The following PTPN11 variants were observed in gnomAD, a reference collection of about 807,000 sequenced individuals.
PTPN11 encodes the protein tyrosine-protein phosphatase non-receptor type 11.
PTPN11 carries 6 observed loss-of-function variants against 78.8 expected under a neutral mutation model. The observed-to-expected ratio is 0.08, with a 90% CI of 0.04 to 0.15. The LOEUF is 0.15. Among genes scored for constraint, PTPN11 ranks in the 10% least tolerant of loss-of-function variants. The pLI, the probability that PTPN11 is intolerant of heterozygous loss-of-function variation, is 1.00. For synonymous variants in PTPN11, 221 were observed against 263.5 expected, an observed-to-expected ratio of 0.84 and a Z score of 1.56; for missense variants, 386 against 744.8, an observed-to-expected ratio of 0.52 and a Z score of 5.61.
At chr12:112,430,553 A>G (rs576808434) in intron 1 of PTPN11, among the ~76,000 whole-genome samples, 3 of 151,866 alleles carry the variant, frequency 2.0e-5, no homozygotes, top group Admixed American at 1.3e-4. Flanking sequence ...CTCAGCCTCT[A>G]GAGTAGATGG....
intron 6 of PTPN11, among the ~76,000 whole-genome samples, chr12:112,458,505 CG>C (rs1189462547): frequency 6.6e-6 from 1 of 152,168 alleles, no homozygotes; most frequent in Non-Finnish European, 1.5e-5. Flanking sequence ...CCACTGTGCC[CG>C]GCCCATACCA....
intron 1 of PTPN11, among the ~76,000 whole-genome samples, chr12:112,438,643 G>A (rs996665527): frequency 8.6e-5 from 13 of 151,948 alleles, no homozygotes; most frequent in Non-Finnish European, 1.3e-4. Flanking sequence ...CACCATACCC[G>A]GCTAATTTTT....
At chr12:112,502,279 C>A in intron 14 of PTPN11, 23 bp downstream of exon 14, 2 of 1,573,954 alleles carry the variant, frequency 1.3e-6, no homozygotes, top group Non-Finnish European at 1.7e-6. Flanking sequence ...GAAGGAAATT[C>A]TTTTTACCTG....
chr12:112,507,315 G>A lies in PTPN11; in HGVS notation c.*1523G>A, dbSNP rs541018423. The A allele has an allele frequency of 7.9e-5, 12 of 152,726 alleles. No individual in the cohort carries two copies. Among genetic ancestry groups the A allele is most frequent in the African/African-American group, 2.4e-4 (10 of 41,572 alleles). 9.5% of individuals were successfully genotyped at this position (152,726 alleles called of 1,614,324 possible). ...GAGCCTATTTTTGGAACCAGCACTT[G>A]GGGAAACTGATCTTGTGAGGATGGA... On this transcript the variant is annotated 3_prime_UTR_variant, in exon 16 of 16. Coordinates refer to ENST00000351677, the MANE Select transcript of PTPN11 (RefSeq NM_002834.5).
At chr12:112,471,757 C>CT (rs753140390) in intron 6 of PTPN11, among the ~76,000 whole-genome samples, 195 of 145,018 alleles carry the variant, frequency 1.3e-3, no homozygotes, top group African/African-American at 3.1e-3. Flanking sequence ...TCTTCTCCCA[C>CT]TTTTTTTTTT....
rs1391962729 is a variant in PTPN11 at position 112,504,148 on chromosome 12, T to G, written c.1713-547T>G. 6.6e-6 allele frequency among the ~76,000 whole-genome samples: 1 copy of G among 152,210 alleles called. No homozygotes were observed. The highest frequency in any genetic ancestry group is 1.9e-4 in the East Asian group (1 of 5,196). ...TCCTACAGGCCTCCTTAAAACAACC[T>G]GCTTTCTGCCAGACCCCAGGGAGCA... On this transcript the variant is annotated intron_variant, in intron 14 of 15. Coordinates refer to ENST00000351677, the MANE Select transcript of PTPN11 (RefSeq NM_002834.5). This position sits in a 1 kb window ranked among gnomAD's most constrained non-coding sequence, Gnocchi z 4.7.
chr12:112,477,097 A>G (rs570169847), intron 7 of PTPN11, among the ~76,000 whole-genome samples: 2 of 151,918 alleles, frequency 1.3e-5, no homozygotes, highest in Non-Finnish European at 2.9e-5. Flanking sequence ...GCTCACTGCA[A>G]TGTCCGCCTC....
intron 7 of PTPN11, among the ~76,000 whole-genome samples, chr12:112,475,497 CT>C (rs1279056562): frequency 2.6e-5 from 4 of 152,170 alleles, no homozygotes; most frequent in South Asian, 4.1e-4. Flanking sequence ...TCAAGCAATC[CT>C]CCTGCTTTGG....
At chr12:112,491,317 AT>A (rs1209948642) in intron 13 of PTPN11, among the ~76,000 whole-genome samples, 1 of 151,484 alleles carries the variant, frequency 6.6e-6, no homozygotes, top group Non-Finnish European at 1.5e-5. Context: ...AGTCTGTGGA[AT>A]TTTCTTTACC....
chr12:112,435,647 G>GT (rs552552504), intron 1 of PTPN11, among the ~76,000 whole-genome samples: 34,001 of 135,658 alleles, frequency 0.25, 4,782 homozygotes, highest in African/African-American at 0.4. Flanking sequence ...TAGGATTAAG[G>GT]TTTTTTTTTT....
At chr12:112,501,322 T>A (rs2135928056) in intron 13 of PTPN11, among the ~76,000 whole-genome samples, 1 of 152,230 alleles carries the variant, frequency 6.6e-6, no homozygotes, top group South Asian at 2.1e-4. Flanking sequence ...GAACCAAAAA[T>A]AAAGTTTTAA....
Position 112,509,349 on chromosome 12 carries a change from T to C in PTPN11, c.*3557T>C, listed in dbSNP as rs994047230. ...GTGTGTTGTATAACTTTGCTGTATATCAAACTAATTTTGACAAGTTTTCAT... is the reference window on the plus strand; with the variant it reads ...GTGTGTTGTATAACTTTGCTGTATACCAAACTAATTTTGACAAGTTTTCAT... On this transcript the variant is annotated 3_prime_UTR_variant, in exon 16 of 16. Transcript: ENST00000351677. The C allele has an allele frequency of 3.3e-4, 51 of 152,584 alleles. No homozygotes were observed. Among genetic ancestry groups the C allele is most frequent in the African/African-American group, 1.2e-3 (48 of 41,468 alleles). 9.5% of individuals were successfully genotyped at this position (152,584 alleles called of 1,614,324 possible). A position where few individuals can be genotyped will look rare whatever the true frequency, so the allele number is the denominator to read the frequency against.
rs2038620590 is a variant in PTPN11, at chr12:112,482,999, C to A, written c.1224+794C>A. Among the ~76,000 whole-genome samples the A allele has an allele frequency of 6.6e-6, 1 of 152,106 alleles. No individual in the cohort carries two copies. The highest frequency in any genetic ancestry group is 1.5e-5 in the Non-Finnish European group (1 of 68,044). ...TCAATGACCTCTTGGTTCCTGGCAC[C>A]ATGCTGCTTGCTGGAGATAGAGCTG... On this transcript the variant is annotated intron_variant, in intron 10 of 15. Transcript: ENST00000351677. The surrounding 1 kb of genome is among the most constrained non-coding windows in gnomAD (Gnocchi z 4.4).
At chr12:112,419,634 C>A (rs1273857809) in intron 1 of PTPN11, among the ~76,000 whole-genome samples, 1 of 152,192 alleles carries the variant, frequency 6.6e-6, no homozygotes, top group Non-Finnish European at 1.5e-5. Flanking sequence ...CTTTTATATG[C>A]CTCTTTGTGT....
At chr12:112,436,054 A>T (rs1470242405) in intron 1 of PTPN11, among the ~76,000 whole-genome samples, 1 of 152,242 alleles carries the variant, frequency 6.6e-6, no homozygotes, top group East Asian at 1.9e-4. Context: ...AGAAAAAAAA[A>T]TTCAGTTGTG....
Position 112,482,272 on chromosome 12 carries a change from G to A in PTPN11, c.1224+67G>A. On this transcript the variant is annotated intron_variant, in intron 10 of 15. Coordinates refer to ENST00000351677, the MANE Select transcript of PTPN11 (RefSeq NM_002834.5). This position sits in a 1 kb window ranked among gnomAD's most constrained non-coding sequence, Gnocchi z 4.4. ...ATGGTGTGTAGGAATTCAGGGTCTT[G>A]CCGTTACTCATGTTTGCATACATGC... 1.3e-5 allele frequency: 20 copies of A among 1,554,092 alleles called. No individual in the cohort carries two copies. The highest frequency in any genetic ancestry group is 1.8e-5 in the Non-Finnish European group (20 of 1,128,554).
At position 112,502,227 on chromosome 12, in the gene PTPN11, G is replaced by A. The variant is rs397516798; in HGVS notation, c.1683G>A (p.Pro561=). ...DQTSGDQSPL[P]PCTPTPPCAE... The stretch of plus-strand genomic sequence containing the variant: ...CGAGTGGAGATCAGAGCCCTCTCCC[G>A]CCTTGTACTCCAACGCCACCCTGTG... Residue 561 remains proline (P), a synonymous_variant, in exon 14 of 16, where the codon CCG becomes CCA. Coordinates refer to ENST00000351677, the MANE Select transcript of PTPN11 (RefSeq NM_002834.5). 1.5e-5 allele frequency: 25 copies of A among 1,613,482 alleles called. No homozygotes were observed. Among genetic ancestry groups the A allele is most frequent in the African/African-American group, 1.3e-4 (10 of 74,876 alleles).
At chr12:112,481,162 T>G (rs930677792) in intron 9 of PTPN11, among the ~76,000 whole-genome samples, 1 of 152,172 alleles carries the variant, frequency 6.6e-6, no homozygotes, top group Admixed American at 6.5e-5. Flanking sequence ...GATAGAGTTA[T>G]TCACACTTGG....
chr12:112,489,721 T>C (rs943714651), intron 13 of PTPN11, among the ~76,000 whole-genome samples: 2 of 152,210 alleles, frequency 1.3e-5, no homozygotes, highest in Admixed American at 6.5e-5. Context: ...ATTAGGAATA[T>C]GCTGAGATGA....
Sources: gnomAD v4.1 joint callset for allele counts (sites outside exome capture counted in the v4.1 genomes callset) on GRCh38, gnomAD v4.1.1 for gene constraint, Gnocchi (gnomAD v3.1) non-coding constraint, MANE v1.5 for transcripts, NCBI Gene and HGNC (gene_info 2026-07-23, HGNC 2026-07-21) for gene names.